The following MAP3K15 variants were observed in gnomAD, a reference collection of about 807,000 sequenced individuals.
MAP3K15 encodes mitogen-activated protein kinase kinase kinase 15.
A neutral mutation model predicts 99.5 loss-of-function variants in MAP3K15; 124 were observed. That is an observed-to-expected ratio of 1.25 (90% CI 1.08 to 1.45). The LOEUF (loss-of-function observed/expected upper bound fraction) is 1.45, where lower values mean the gene tolerates loss of function less well. MAP3K15 is among the 40% of genes most tolerant of loss of function. The pLI, the probability that MAP3K15 is intolerant of heterozygous loss-of-function variation, is 0.00. For synonymous variants in MAP3K15, 494 were observed against 439.6 expected (o/e 1.12, Z -1.55); for missense variants, 1,242 against 1,079.7 (o/e 1.15, Z -2.11).
At chrX:19,509,540 A>G (rs973889278) in intron 1 of MAP3K15, among the ~76,000 whole-genome samples, 2 of 112,151 alleles carry the variant, frequency 1.8e-5, no homozygotes, top group African/African-American at 6.5e-5. Flanking sequence ...GTTCTTTGAA[A>G]TCAATGAGAA....
In MAP3K15 at chrX:19,374,479, G is replaced by C. The variant is rs1159533787; in HGVS notation, c.2771C>G (p.Ser924Ter). Reference sequence around the variant, plus strand: ...CCAGCTGTCCAGGGAGGCCTCACCTGAGGGCTTGAAGGCAATTCGGTTCTT... The same window carrying C: ...CCAGCTGTCCAGGGAGGCCTCACCTCAGGGCTTGAAGGCAATTCGGTTCTT... ...GKKNRIAFKP[S>*]EGPRGVVLAL... Residue 924 changes from serine to a stop codon, truncating the protein, a stop_gained and splice_region_variant, in exon 20 of 29, where the codon TCA becomes TGA. Coordinates refer to ENST00000338883, the MANE Select transcript of MAP3K15 (RefSeq NM_001001671.4). LOFTEE classifies it high-confidence loss of function. 2 of 1,210,168 alleles carry C rather than the reference G, an allele frequency of 1.7e-6. No homozygotes were observed. Among genetic ancestry groups the C allele is most frequent in the African/African-American group, 1.7e-5 (1 of 57,792 alleles).
chrX:19,450,696 T>G (rs1316019505), intron 6 of MAP3K15, among the ~76,000 whole-genome samples: 1 of 108,329 alleles, frequency 9.2e-6, no homozygotes, highest in African/African-American at 3.3e-5. Context: ...GACACATAAA[T>G]AAGTTAGTAA....
At chrX:19,373,142 G>T (rs1029727137) in intron 21 of MAP3K15, 1 of 210,160 alleles carries the variant, frequency 4.8e-6, no homozygotes, top group Non-Finnish European at 8.3e-6. Context: ...GGGGAAGGAG[G>T]AAGAGAGAGG....
intron 6 of MAP3K15, among the ~76,000 whole-genome samples, chrX:19,447,883 CAAAAAAAA>C (rs753152404): frequency 7.7e-5 from 2 of 25,958 alleles, no homozygotes; most frequent in Non-Finnish European, 1.4e-4. Flanking sequence ...GACTCCGTCT[CAAAAAAAA>C]AAAAAAAAAA....
chrX:19,381,828 G>A (rs146948763), intron 18 of MAP3K15, among the ~76,000 whole-genome samples: 4 of 112,100 alleles, frequency 3.6e-5, no homozygotes, highest in African/African-American at 9.7e-5. Flanking sequence ...CCTGGGGGCT[G>A]GCAAAGAAAT....
chrX:19,436,539 C>G (rs940221242), intron 6 of MAP3K15, among the ~76,000 whole-genome samples: 2 of 111,460 alleles, frequency 1.8e-5, no homozygotes, highest in Non-Finnish European at 3.8e-5. Flanking sequence ...ACTTTTCAAA[C>G]CATCCATATT....
intron 16 of MAP3K15, among the ~76,000 whole-genome samples, chrX:19,394,789 CTTTTTTTTTTTTTTTTTTTTTTTTTTTTT>C (rs144723219): frequency 5.5e-3 from 97 of 17,523 alleles, no homozygotes; most frequent in East Asian, 9.8e-3. Flanking sequence ...GGGTCTGTTG[CTTTTTTTTTTTTTTTTTTTTTTTTTTTTT>C]TTTTTTTTTT....
At chrX:19,375,248 T>C (rs375208921) in intron 19 of MAP3K15, among the ~76,000 whole-genome samples, 6 of 112,192 alleles carry the variant, frequency 5.3e-5, no homozygotes, top group African/African-American at 1.9e-4. Context: ...TAGGGCGGCA[T>C]GTCCTCTAAG....
At chrX:19,394,789 CTTTTTTTTTT>C (rs144723219) in intron 16 of MAP3K15, among the ~76,000 whole-genome samples, 1 of 17,512 alleles carries the variant, frequency 5.7e-5, no homozygotes, top group Non-Finnish European at 1.4e-4. Flanking sequence ...GGGTCTGTTG[CTTTTTTTTTT>C]TTTTTTTTTT....
intron 1 of MAP3K15, among the ~76,000 whole-genome samples, chrX:19,494,979 C>T (rs1045613717): frequency 9.1e-6 from 1 of 110,170 alleles, no homozygotes; most frequent in African/African-American, 3.3e-5. Flanking sequence ...TTCCAACATA[C>T]TCAGGTCAAG....
At chrX:19,469,260 T>C (rs1280429804) in intron 3 of MAP3K15, among the ~76,000 whole-genome samples, 2 of 111,591 alleles carry the variant, frequency 1.8e-5, no homozygotes, top group Non-Finnish European at 3.8e-5. Context: ...GCTACAACTA[T>C]CTGATCTTTG....
chrX:19,431,531 G>A lies in MAP3K15; in HGVS notation c.1073C>T (p.Pro358Leu). The A allele has an allele frequency of 1.6e-5, 19 of 1,199,679 alleles. No individual in the cohort carries two copies. Among genetic ancestry groups the A allele is most frequent in the Non-Finnish European group, 2.0e-5 (18 of 894,687 alleles). The part of the protein sequence containing the change: ...QVLQSCDHPG[P>L]DMFCLCGRIY... ...CCTCCCACACAGGCAGAACATGTCG[G>A]GGCCCGGGTGATCACAGCTCTGCAG... Residue 358 changes from proline to leucine, a missense_variant, in exon 7 of 29, where the codon CCC becomes CTC. Pro to Leu is a moderately conservative substitution (Grantham distance 98). Transcript: ENST00000338883.
chrX:19,413,247 A>C, intron 11 of MAP3K15, 110 bp downstream of exon 11: 1 of 538,582 alleles, frequency 1.9e-6, no homozygotes, highest in Non-Finnish European at 3.1e-6. Flanking sequence ...ACTCTCTCAT[A>C]TATTCTCATA....
At chrX:19,452,679 A>G (rs984353541) in intron 6 of MAP3K15, among the ~76,000 whole-genome samples, 18 of 112,233 alleles carry the variant, frequency 1.6e-4, no homozygotes, top group African/African-American at 5.8e-4. Context: ...ACATGCTACA[A>G]CCATGAATGA....
chrX:19,426,189 T>C (rs2063828298), intron 8 of MAP3K15, 42 bp downstream of exon 8: 1 of 723,904 alleles, frequency 1.4e-6, no homozygotes, highest in Non-Finnish European at 2.0e-6. Context: ...GCCAAACTTG[T>C]ATAATCAAAG....
intron 1 of MAP3K15, among the ~76,000 whole-genome samples, chrX:19,513,298 G>C (rs892713852): frequency 8.9e-6 from 1 of 112,074 alleles, no homozygotes; most frequent in Non-Finnish European, 1.9e-5. Context: ...AAATCTTTCA[G>C]AGGTGGCACC....
intron 6 of MAP3K15, among the ~76,000 whole-genome samples, chrX:19,453,228 C>G (rs1441792404): frequency 9.0e-6 from 1 of 111,250 alleles, no homozygotes; most frequent in Non-Finnish European, 1.9e-5. Flanking sequence ...AGGCCGGGCA[C>G]AGTGGCTCAT....
chrX:19,464,185 G>T (rs1304531371), intron 4 of MAP3K15, 28 bp downstream of exon 4: 1 of 1,157,358 alleles, frequency 8.6e-7, no homozygotes, highest in South Asian at 1.8e-5. Context: ...TGAGTCTCCA[G>T]GGGTTACTGG....
At chrX:19,462,276 C>T (rs967312924) in intron 4 of MAP3K15, among the ~76,000 whole-genome samples, 3 of 111,958 alleles carry the variant, frequency 2.7e-5, no homozygotes, top group African/African-American at 9.7e-5. Flanking sequence ...AATGAAGTGA[C>T]GCACACAGCA....
Sources: allele counts gnomAD v4.1 joint callset (sites outside exome capture counted in the v4.1 genomes callset), GRCh38; gene constraint gnomAD v4.1.1; transcripts MANE v1.5; gene names NCBI Gene and HGNC (gene_info 2026-07-23, HGNC 2026-07-21).